SOHLH2: variants seen among roughly 807,000 people sequenced by gnomAD.
SOHLH2 encodes spermatogenesis- and oogenesis-specific basic helix-loop-helix-containing protein 2.
SOHLH2 carries 22 observed loss-of-function variants against 50.4 expected under a neutral mutation model. That is an observed-to-expected ratio of 0.44 (90% CI 0.31 to 0.62). SOHLH2 has a LOEUF of 0.62. Ranked by LOEUF, SOHLH2 falls within the 20% of genes least tolerant of loss-of-function variation. The pLI is 0.08. For synonymous variants in SOHLH2, 185 were observed against 187.3 expected (o/e 0.99, Z 0.10); for missense variants, 412 against 504.4 (o/e 0.82, Z 1.76).
intron 6 of SOHLH2, among the ~76,000 whole-genome samples, chr13:36,176,790 G>A (rs536606729): frequency 6.6e-6 from 1 of 152,040 alleles, no homozygotes; most frequent in Non-Finnish European, 1.5e-5. Flanking sequence ...TATTATATAT[G>A]TGTCATCCCA....
intron 5 of SOHLH2, 61 bp downstream of exon 5, chr13:36,191,734 T>C: frequency 6.2e-7 from 1 of 1,602,278 alleles, no homozygotes; most frequent in Non-Finnish European, 8.5e-7. Context: ...TTCCACAAAA[T>C]AGCCACAATC....
In SOHLH2 at chr13:36,177,546, G is replaced by T. The variant is rs536135819; in HGVS notation, c.642-2677C>A. On this transcript the variant is annotated intron_variant, in intron 6 of 10. Transcript: ENST00000379881. ...CCACCATCAATGTATCAGACCTCTTGTTCCAAATCTTTGATGATATTTAAT... is the reference window on the plus strand; with the variant it reads ...CCACCATCAATGTATCAGACCTCTTTTTCCAAATCTTTGATGATATTTAAT... 5.3e-5 allele frequency among the ~76,000 whole-genome samples: 8 copies of T among 152,208 alleles called. No individual in the cohort carries two copies. In the South Asian group the frequency reaches 1.5e-3, roughly 28 times the overall value.
In SOHLH2 at chr13:36,173,796, A is replaced by C; in HGVS notation, c.896T>G (p.Met299Arg). The stretch of plus-strand genomic sequence containing the variant: ...CCCTCTCTCAGGGGAGTAAGTGCTC[A>C]TCACACTGTTTTCCCTTGAAAGGAC... ...TVMAQRENSV[M>R]STYSPERGLQ... is the part of the protein sequence containing the mutation. The change falls in exon 9 of 11, where the codon ATG becomes AGG. Residue 299 changes from methionine (M) to arginine (R), a missense_variant. By Grantham distance (91) the Met-to-Arg change is moderately conservative (BLOSUM62 -1). Transcript: ENST00000379881. The C allele has an allele frequency of 1.2e-6, 2 of 1,614,022 alleles. No homozygotes were observed. Among genetic ancestry groups the C allele is most frequent in the South Asian group, 2.2e-5 (2 of 91,068 alleles).
At chr13:36,212,955 T>C (rs751516261) in intron 1 of SOHLH2, among the ~76,000 whole-genome samples, 58 of 152,248 alleles carry the variant, frequency 3.8e-4, no homozygotes, top group Non-Finnish European at 7.8e-4. Context: ...CAGCAGGTGC[T>C]GAAGTGCTTA....
chr13:36,191,007 C>A (rs1445507789), intron 5 of SOHLH2, among the ~76,000 whole-genome samples: 1 of 152,194 alleles, frequency 6.6e-6, no homozygotes, highest in Non-Finnish European at 1.5e-5. Context: ...TCACCATCAT[C>A]AGTACGCATG....
intron 2 of SOHLH2, among the ~76,000 whole-genome samples, chr13:36,198,350 T>C (rs2138312196): frequency 6.6e-6 from 1 of 152,332 alleles, no homozygotes; most frequent in Non-Finnish European, 1.5e-5. Flanking sequence ...TCAGGATGTG[T>C]CTGAATTATC....
chr13:36,203,074 C>CT (rs538136218), intron 1 of SOHLH2, among the ~76,000 whole-genome samples: 160 of 152,056 alleles, frequency 1.1e-3, no homozygotes, highest in Non-Finnish European at 1.8e-3. Flanking sequence ...AATTTTCTTC[C>CT]TTTTTTTTAT....
chr13:36,211,169 A>G (rs1869098335), intron 1 of SOHLH2, among the ~76,000 whole-genome samples: 1 of 152,190 alleles, frequency 6.6e-6, no homozygotes, highest in Non-Finnish European at 1.5e-5. Context: ...ATCAGGGTGT[A>G]TGGCCATATA....
intron 1 of SOHLH2, among the ~76,000 whole-genome samples, chr13:36,210,032 A>C (rs757527170): frequency 6.6e-6 from 1 of 152,202 alleles, no homozygotes; most frequent in Non-Finnish European, 1.5e-5. Context: ...TCCTGGAAAG[A>C]ACTGCCTTTC....
At chr13:36,169,103 T>G in intron 10 of SOHLH2, 49 bp from the exon 11 acceptor site, 1 of 1,583,222 alleles carries the variant, frequency 6.3e-7, no homozygotes, top group Non-Finnish European at 8.6e-7. Flanking sequence ...TCACCCACTC[T>G]TACTCATAAT....
At chr13:36,174,639 A>G (rs1887053695) in intron 7 of SOHLH2, 72 bp from the exon 8 acceptor site, 1 of 1,599,626 alleles carries the variant, frequency 6.3e-7, no homozygotes, top group African/African-American at 1.4e-5. Flanking sequence ...ATACTTTCCA[A>G]TGATAAAAAA....
chr13:36,201,474 C>T (rs1038046005), intron 2 of SOHLH2, among the ~76,000 whole-genome samples: 1 of 111,076 alleles, frequency 9.0e-6, no homozygotes, highest in Non-Finnish European at 2.0e-5. Context: ...GAAAATATCC[C>T]TCATTTTTTT....
chr13:36,180,658 A>C (rs1463188176), intron 6 of SOHLH2, among the ~76,000 whole-genome samples: 1 of 134,698 alleles, frequency 7.4e-6, no homozygotes, highest in Non-Finnish European at 1.6e-5. Flanking sequence ...TTTTTTTTTA[A>C]TTTCCATATA....
At chr13:36,187,910 C>A (rs1183406735) in intron 6 of SOHLH2, among the ~76,000 whole-genome samples, 2 of 152,176 alleles carry the variant, frequency 1.3e-5, no homozygotes, top group African/African-American at 4.8e-5. Flanking sequence ...TCTGGGTAGA[C>A]CCTGTGATGG....
At chr13:36,174,430 G>A (rs1297822705) in intron 8 of SOHLH2, 46 bp downstream of exon 8, 1 of 1,607,086 alleles carries the variant, frequency 6.2e-7, no homozygotes, top group African/African-American at 1.3e-5. Flanking sequence ...CAACATGGGA[G>A]GAAAATAACT....
chr13:36,186,935 G>C (rs1162668717), intron 6 of SOHLH2, among the ~76,000 whole-genome samples: 1 of 152,044 alleles, frequency 6.6e-6, no homozygotes, highest in Non-Finnish European at 1.5e-5. Context: ...AAGAGGAGGA[G>C]GAAGAAAGGA....
chr13:36,190,202 T>C (rs1408425720), intron 5 of SOHLH2, 146 bp from the exon 6 acceptor site: 4 of 549,628 alleles, frequency 7.3e-6, no homozygotes, highest in Non-Finnish European at 5.8e-6. Flanking sequence ...AAACACCATA[T>C]CTTAGACATT....
At chr13:36,206,444 A>G (rs1355688858) in intron 1 of SOHLH2, among the ~76,000 whole-genome samples, 1 of 152,020 alleles carries the variant, frequency 6.6e-6, no homozygotes, top group African/African-American at 2.4e-5. Flanking sequence ...TACCTATATA[A>G]AGGTGTTTTT....
Position 36,173,619 on chromosome 13 carries a change from G to A in SOHLH2, c.1000+73C>T, listed in dbSNP as rs114157562. On this transcript the variant is annotated intron_variant, in intron 9 of 10. Coordinates refer to ENST00000379881, the MANE Select transcript of SOHLH2 (RefSeq NM_017826.3). Reference sequence around the variant, plus strand: ...GGATTCCCTGGTTATGGTGGTGAATGCACAGGAGCCTGGGGGTTTGCAGGG... The same window carrying A: ...GGATTCCCTGGTTATGGTGGTGAATACACAGGAGCCTGGGGGTTTGCAGGG... The A allele has an allele frequency of 1.9e-3, 2,915 of 1,564,440 alleles. 62 individuals carry two copies. The African/African-American group carries it at 0.035, about 19-fold the overall frequency.
Sources: gnomAD v4.1 joint callset for allele counts (sites outside exome capture counted in the v4.1 genomes callset) on GRCh38, gnomAD v4.1.1 for gene constraint, MANE v1.5 for transcripts, NCBI Gene and HGNC (gene_info 2026-07-23, HGNC 2026-07-21) for gene names.